LMX1A: variants seen among roughly 807,000 people sequenced by gnomAD.
LMX1A encodes the protein LIM homeobox transcription factor 1 alpha, also known as LIM homeobox transcription factor 1-alpha.
LMX1A carries 15 observed loss-of-function variants against 49.1 expected under a neutral mutation model. The observed-to-expected ratio is 0.31, with a 90% confidence interval of 0.20 to 0.47. The LOEUF (loss-of-function observed/expected upper bound fraction) is 0.47, where lower values mean the gene tolerates loss of function less well. LMX1A is among the 20% of genes least tolerant of loss of function. The pLI, the probability that LMX1A is intolerant of heterozygous loss-of-function variation, is 1.00. For missense variants in LMX1A, 372 were observed against 475.8 expected (o/e 0.78, Z 2.03); for synonymous variants, 167 against 185.7 (o/e 0.90, Z 0.82).
chr1:165,278,198 T>C (rs749590245), intron 3 of LMX1A, among the ~76,000 whole-genome samples: 6 of 152,196 alleles, frequency 3.9e-5, no homozygotes, highest in Admixed American at 6.5e-5. Flanking sequence ...CATAACCACC[T>C]TGACGTCCTG....
intron 4 of LMX1A, among the ~76,000 whole-genome samples, chr1:165,215,657 G>A (rs1203524981): frequency 3.9e-5 from 6 of 152,140 alleles, no homozygotes; most frequent in African/African-American, 9.7e-5. Flanking sequence ...AATCTGAAAG[G>A]ATAATGGCTT....
chr1:165,267,253 T>C (rs1310146113), intron 3 of LMX1A, among the ~76,000 whole-genome samples: 2 of 152,238 alleles, frequency 1.3e-5, no homozygotes, highest in East Asian at 1.9e-4. Flanking sequence ...AATCATATAA[T>C]ATGTGGCCCT....
intron 4 of LMX1A, among the ~76,000 whole-genome samples, chr1:165,236,683 G>A (rs561515796): frequency 1.1e-4 from 17 of 151,696 alleles, no homozygotes; most frequent in Non-Finnish European, 2.5e-4. Context: ...AAGAATGGCT[G>A]ATTAAGGTAT....
chr1:165,253,677 C>T (rs998037707), intron 3 of LMX1A, among the ~76,000 whole-genome samples: 1 of 152,214 alleles, frequency 6.6e-6, no homozygotes, highest in Non-Finnish European at 1.5e-5. Flanking sequence ...CCTTGGCCAT[C>T]AGAAGCACCT....
intron 3 of LMX1A, among the ~76,000 whole-genome samples, chr1:165,285,634 A>T (rs966833236): frequency 6.6e-6 from 1 of 152,158 alleles, no homozygotes; most frequent in Non-Finnish European, 1.5e-5. Context: ...CACCATCTCC[A>T]CTGAGGAACA....
At chr1:165,326,295 A>G (rs6665350) in intron 3 of LMX1A, among the ~76,000 whole-genome samples, 27,384 of 152,098 alleles carry the variant, frequency 0.18, 2,755 homozygotes, top group Non-Finnish European at 0.22. Context: ...GCTTCTGAGG[A>G]TCAGTACTTC....
At chr1:165,346,325 G>A (rs1656243358) in intron 3 of LMX1A, among the ~76,000 whole-genome samples, 1 of 152,214 alleles carries the variant, frequency 6.6e-6, no homozygotes, top group Admixed American at 6.5e-5. Flanking sequence ...CCCCAAACTG[G>A]AATCTTGAAA....
chr1:165,309,509 T>A (rs1177670111), intron 3 of LMX1A, among the ~76,000 whole-genome samples: 1 of 152,122 alleles, frequency 6.6e-6, no homozygotes, highest in Non-Finnish European at 1.5e-5. Context: ...GCAGCAACTG[T>A]CTATATAGTG....
At chr1:165,342,555 G>T (rs1656107984) in intron 3 of LMX1A, among the ~76,000 whole-genome samples, 1 of 152,076 alleles carries the variant, frequency 6.6e-6, no homozygotes, top group African/African-American at 2.4e-5. Context: ...AGAGATCAAT[G>T]GGGTTGGTGT....
chr1:165,231,257 G>C (rs1480279020), intron 4 of LMX1A, among the ~76,000 whole-genome samples: 1 of 151,520 alleles, frequency 6.6e-6, no homozygotes, highest in Non-Finnish European at 1.5e-5. Context: ...TTTTTTGAGG[G>C]TGTTGTTTAA....
chr1:165,342,416 C>A (rs1656103337), intron 3 of LMX1A, among the ~76,000 whole-genome samples: 1 of 152,148 alleles, frequency 6.6e-6, no homozygotes, highest in African/African-American at 2.4e-5. Flanking sequence ...CAGACAAGCT[C>A]CCAGGACAAA....
At chr1:165,350,933 G>C (rs1160480036) in intron 3 of LMX1A, among the ~76,000 whole-genome samples, 1 of 152,208 alleles carries the variant, frequency 6.6e-6, no homozygotes, top group Non-Finnish European at 1.5e-5. Context: ...CAGCTGGCAA[G>C]TTGATCCCTG....
intron 3 of LMX1A, among the ~76,000 whole-genome samples, chr1:165,271,580 G>A (rs939360824): frequency 2.4e-4 from 37 of 152,104 alleles, no homozygotes; most frequent in Non-Finnish European, 4.9e-4. Context: ...GATCCTGCAG[G>A]ACATCCCTGC....
chr1:165,328,813 A>G (rs189211727), intron 3 of LMX1A, among the ~76,000 whole-genome samples: 3 of 152,374 alleles, frequency 2.0e-5, no homozygotes, highest in Non-Finnish European at 4.4e-5. Context: ...TGGAAAGAAC[A>G]TGGCTTCCAG....
intron 3 of LMX1A, among the ~76,000 whole-genome samples, chr1:165,260,474 T>G (rs1215902109): frequency 6.6e-6 from 1 of 152,158 alleles, no homozygotes; most frequent in Non-Finnish European, 1.5e-5. Flanking sequence ...CTGTTTGCTT[T>G]GGTCAACATC....
At position 165,210,694 on chromosome 1, in the gene LMX1A, G is replaced by GT. The variant is rs777419348; in HGVS notation, c.747+4dup. ...GGGGACAGATAAAAGTAAGAAGCAG[G>GT]TTACCTTCGCTCTCTGGTTTTGGAA... is the stretch of plus-strand genomic sequence containing the variant. On this transcript the variant is annotated splice_donor_region_variant and intron_variant, in intron 6 of 8. Coordinates refer to ENST00000342310, the MANE Select transcript of LMX1A (RefSeq NM_177398.4). 6.2e-7 allele frequency: 1 copy of GT among 1,609,048 alleles called. No individual in the cohort carries two copies. Among genetic ancestry groups the GT allele is most frequent in the Non-Finnish European group, 8.5e-7 (1 of 1,175,578 alleles).
At chr1:165,230,497 T>A (rs932633611) in intron 4 of LMX1A, among the ~76,000 whole-genome samples, 1 of 152,146 alleles carries the variant, frequency 6.6e-6, no homozygotes, top group Non-Finnish European at 1.5e-5. Context: ...GGCAGGAACA[T>A]CCCTACATAT....
At chr1:165,248,368 A>G (rs892054429) in intron 4 of LMX1A, among the ~76,000 whole-genome samples, 2 of 152,178 alleles carry the variant, frequency 1.3e-5, no homozygotes, top group African/African-American at 4.8e-5. Context: ...TTGGAAATGG[A>G]CTAGAATTGG....
chr1:165,292,681 T>A (rs575297955), intron 3 of LMX1A, among the ~76,000 whole-genome samples: 1 of 152,332 alleles, frequency 6.6e-6, no homozygotes, highest in African/African-American at 2.4e-5. Context: ...CTCTGAAATT[T>A]TATGCTATAT....
Sources: allele counts gnomAD v4.1 joint callset (sites outside exome capture counted in the v4.1 genomes callset), GRCh38; gene constraint gnomAD v4.1.1; transcripts MANE v1.5; gene names NCBI Gene and HGNC (gene_info 2026-07-23, HGNC 2026-07-21).